The following CNTN6 variants were observed in gnomAD, a reference collection of about 807,000 sequenced individuals.
The protein encoded by CNTN6 is contactin 6, also known as contactin-6.
A neutral mutation model predicts 122.8 loss-of-function variants in CNTN6; 137 were observed. That is an observed-to-expected ratio of 1.12 (90% CI 0.97 to 1.29). The LOEUF (loss-of-function observed/expected upper bound fraction) is 1.29, where lower values mean the gene tolerates loss of function less well. Among genes scored for constraint, CNTN6 ranks in the 50% most tolerant of loss-of-function variants. The probability of loss-of-function intolerance (pLI) is 0.00; values close to 1 mark genes in which losing one functional copy is unlikely to be tolerated. For synonymous variants in CNTN6, 570 were observed against 426.0 expected (o/e 1.34, Z -4.16); for missense variants, 1,634 against 1,223.4 (o/e 1.34, Z -5.01).
At chr3:1,380,660 C>G (rs1311289130) in intron 17 of CNTN6, among the ~76,000 whole-genome samples, 4 of 152,144 alleles carry the variant, frequency 2.6e-5, no homozygotes, top group African/African-American at 9.7e-5. Context: ...GACCTCTTTT[C>G]TAATGTCTCA....
chr3:1,240,878 G>C lies in CNTN6; in HGVS notation c.358+12885G>C, dbSNP rs529711184. Among the ~76,000 whole-genome samples the C allele has an allele frequency of 3.0e-3, 460 of 152,120 alleles. 4 individuals are homozygous for C. The highest frequency in any genetic ancestry group is 0.01 in the African/African-American group (433 of 41,448). ...AGTCTGAAAAGAGAGTCAGTGAAGGGAGATAGGGGTGGGGCTGTTTTATAG... is the reference window on the plus strand; with the variant it reads ...AGTCTGAAAAGAGAGTCAGTGAAGGCAGATAGGGGTGGGGCTGTTTTATAG... On this transcript the variant is annotated intron_variant, in intron 4 of 22. Transcript: ENST00000446702.
At chr3:1,281,001 A>G (rs1435437557) in intron 5 of CNTN6, among the ~76,000 whole-genome samples, 5 of 152,202 alleles carry the variant, frequency 3.3e-5, no homozygotes, top group East Asian at 1.9e-4. Context: ...TTCTTTAGTC[A>G]GGAAGAGCCC....
Position 1,382,959 on chromosome 3 carries a change from G to A in CNTN6, c.2184G>A (p.Leu728=). 1.2e-6 allele frequency: 2 copies of A among 1,613,832 alleles called. No individual in the cohort carries two copies. Among genetic ancestry groups the A allele is most frequent in the Non-Finnish European group, 1.7e-6 (2 of 1,179,766 alleles). The part of the protein sequence containing the change: ...VITWESIPEE[L]QNGEGFGYII... ...TGCCCAAGTCAATTCCAGAAGAACTGCAGAATGGGGAGGGATTTGGATATA... is the reference window on the plus strand; with the variant it reads ...TGCCCAAGTCAATTCCAGAAGAACTACAGAATGGGGAGGGATTTGGATATA... Residue 728 remains leucine (L), a synonymous_variant, in exon 18 of 23, where the codon CTG becomes CTA. Coordinates refer to ENST00000446702, the MANE Select transcript of CNTN6 (RefSeq NM_001289080.2).
rs1250641648 is a variant in CNTN6, at chr3:1,120,940, T to G, written c.-82-26987T>G. Among the ~76,000 whole-genome samples, 13 of 148,434 alleles carry G rather than the reference T, an allele frequency of 8.8e-5. No individual in the cohort carries two copies. The Admixed American group carries it at 8.8e-4, about 10-fold the overall frequency. On this transcript the variant is annotated intron_variant, in intron 1 of 22. Coordinates refer to ENST00000446702, the MANE Select transcript of CNTN6 (RefSeq NM_001289080.2). ...TCTTAGCTTTTATCTAATGGTAGAG[T>G]ACATAAAGTCTTCTAAAGTTTGTTT...
chr3:1,275,571 G>GT (rs1463271091), intron 4 of CNTN6, among the ~76,000 whole-genome samples: 2 of 152,094 alleles, frequency 1.3e-5, no homozygotes, highest in Non-Finnish European at 2.9e-5. Context: ...ACCCCATCAG[G>GT]TTTACATTCA....
intron 1 of CNTN6, among the ~76,000 whole-genome samples, chr3:1,133,197 A>T (rs549965478): frequency 6.6e-6 from 1 of 152,180 alleles, no homozygotes; most frequent in Non-Finnish European, 1.5e-5. Context: ...GTTTAATGAA[A>T]ATTTCGTAGA....
chr3:1,237,787 A>G (rs2125591917), intron 4 of CNTN6, among the ~76,000 whole-genome samples: 1 of 152,294 alleles, frequency 6.6e-6, no homozygotes, highest in South Asian at 2.1e-4. Flanking sequence ...AGAATTTTGT[A>G]TCCAGTTAAA....
chr3:1,375,220 A>G (rs1193399371), intron 16 of CNTN6, among the ~76,000 whole-genome samples: 1 of 152,062 alleles, frequency 6.6e-6, no homozygotes, highest in Non-Finnish European at 1.5e-5. Context: ...TTGTTTGTTT[A>G]CAGTTGATTT....
intron 2 of CNTN6, among the ~76,000 whole-genome samples, chr3:1,194,378 G>A (rs1458318798): frequency 1.3e-5 from 2 of 151,822 alleles, no homozygotes; most frequent in Non-Finnish European, 2.9e-5. Flanking sequence ...TGGGAGACTG[G>A]GTTTTCTTAG....
intron 2 of CNTN6, among the ~76,000 whole-genome samples, chr3:1,209,517 T>G (rs1297087459): frequency 6.6e-6 from 1 of 152,230 alleles, no homozygotes; most frequent in Non-Finnish European, 1.5e-5. Context: ...CAAGTATGGC[T>G]TGAATCTAAC....
At chr3:1,176,188 C>A (rs116721054) in intron 2 of CNTN6, among the ~76,000 whole-genome samples, 2 of 152,050 alleles carry the variant, frequency 1.3e-5, no homozygotes, top group African/African-American at 4.8e-5. Flanking sequence ...GAGGCCGGGG[C>A]GGGCGGATCA....
chr3:1,264,817 G>A (rs981131891), intron 4 of CNTN6, among the ~76,000 whole-genome samples: 1 of 151,862 alleles, frequency 6.6e-6, no homozygotes. Context: ...TTTTCTTCCT[G>A]TTTCACTGAA....
chr3:1,380,295 C>T (rs938731980), intron 17 of CNTN6, among the ~76,000 whole-genome samples: 2 of 152,174 alleles, frequency 1.3e-5, no homozygotes, highest in African/African-American at 2.4e-5. Flanking sequence ...CTGAACTGAA[C>T]TAAATATCTT....
At chr3:1,402,184 T>A (rs1043245104) in intron 21 of CNTN6, 134 bp from the exon 22 acceptor site, 3 of 603,164 alleles carry the variant, frequency 5.0e-6, no homozygotes, top group Non-Finnish European at 7.8e-6. Flanking sequence ...GGAAAAGACA[T>A]CACTTGGATA....
rs543974958 is a variant in CNTN6, at chr3:1,315,419, C to G, written c.762-6231C>G. 2.6e-5 allele frequency among the ~76,000 whole-genome samples: 4 copies of G among 151,944 alleles called. No homozygotes were observed. The South Asian group carries it at 8.3e-4, about 32-fold the overall frequency. ...GTAGATCACAATAAATTAGCGTGCT[C>G]TGGAACTCTAAGTGGAGGAGAACTG... On this transcript the variant is annotated intron_variant, in intron 7 of 22. Coordinates refer to ENST00000446702, the MANE Select transcript of CNTN6 (RefSeq NM_001289080.2).
At chr3:1,378,552 G>C (rs1407392609) in intron 17 of CNTN6, among the ~76,000 whole-genome samples, 1 of 152,110 alleles carries the variant, frequency 6.6e-6, no homozygotes, top group Non-Finnish European at 1.5e-5. Flanking sequence ...ATGAACACTT[G>C]TTGAATGGAA....
chr3:1,231,597 A>G (rs1575335502), intron 4 of CNTN6, among the ~76,000 whole-genome samples: 2 of 152,346 alleles, frequency 1.3e-5, no homozygotes, highest in South Asian at 2.1e-4. Context: ...TGTGGCCTGT[A>G]TATAAAAACT....
At chr3:1,220,008 TAAAAAGAAAATA>T (rs1559537712) in intron 2 of CNTN6, among the ~76,000 whole-genome samples, 1 of 91,852 alleles carries the variant, frequency 1.1e-5, no homozygotes, top group African/African-American at 6.1e-5. Flanking sequence ...TCTCAAAAAA[TAAAAAGAAAATA>T]AAAAAGAAAA....
chr3:1,383,471 T>A lies in CNTN6; in HGVS notation c.2517+63T>A, dbSNP rs946077332. 3.4e-6 allele frequency: 4 copies of A among 1,187,384 alleles called. No individual in the cohort carries two copies. The African/African-American group carries it at 6.0e-5, about 18-fold the overall frequency. 73.6% of individuals were successfully genotyped at this position (1,187,384 alleles called of 1,614,324 possible). ...CCAATGGACTTCGCAATAGCTCCTATTCAACAGTCCTATCCTACTAGCCTG... is the reference window on the plus strand; with the variant it reads ...CCAATGGACTTCGCAATAGCTCCTAATCAACAGTCCTATCCTACTAGCCTG... On this transcript the variant is annotated intron_variant, in intron 19 of 22. Transcript: ENST00000446702.
Sources: allele counts gnomAD v4.1 joint callset (sites outside exome capture counted in the v4.1 genomes callset), GRCh38; gene constraint gnomAD v4.1.1; transcripts MANE v1.5; gene names NCBI Gene and HGNC (gene_info 2026-07-23, HGNC 2026-07-21).